The following MALRD1 variants were observed in gnomAD, a reference collection of about 807,000 sequenced individuals.
MALRD1 encodes MAM and LDL-receptor class A domain-containing protein 1.
MALRD1 carries 247 observed loss-of-function variants against 242.1 expected under a neutral mutation model. The observed-to-expected ratio is 1.02, with a 90% confidence interval of 0.92 to 1.13. The LOEUF is 1.13. Ranked by LOEUF, MALRD1 falls within the 50% of genes most tolerant of loss-of-function variation. The pLI, the probability that MALRD1 is intolerant of heterozygous loss-of-function variation, is 0.00. For synonymous variants in MALRD1, 995 were observed against 866.6 expected (o/e 1.15, Z -2.60); for missense variants, 2,989 against 2,533.1 (o/e 1.18, Z -3.86).
intron 38 of MALRD1, among the ~76,000 whole-genome samples, chr10:19,712,490 A>T (rs1386811435): frequency 6.6e-6 from 1 of 152,202 alleles, no homozygotes; most frequent in Non-Finnish European, 1.5e-5. Context: ...AGTCATAATG[A>T]AATAAGACCA....
intron 32 of MALRD1, among the ~76,000 whole-genome samples, chr10:19,560,613 C>T (rs1371107369): frequency 6.6e-6 from 1 of 152,100 alleles, no homozygotes; most frequent in Non-Finnish European, 1.5e-5. Flanking sequence ...ACATATACAC[C>T]ATAGAATACT....
At chr10:19,656,172 A>T (rs1305297024) in intron 36 of MALRD1, among the ~76,000 whole-genome samples, 1 of 152,158 alleles carries the variant, frequency 6.6e-6, no homozygotes, top group Non-Finnish European at 1.5e-5. Flanking sequence ...AGAACTTATC[A>T]AAAAGCAGAG....
chr10:19,425,981 T>C (rs1833891515), intron 28 of MALRD1, among the ~76,000 whole-genome samples: 1 of 152,110 alleles, frequency 6.6e-6, no homozygotes, highest in South Asian at 2.1e-4. Flanking sequence ...TCTTCATCTC[T>C]CTCCCAAAAC....
intron 28 of MALRD1, among the ~76,000 whole-genome samples, chr10:19,397,919 T>TTC (rs914983208): frequency 2.6e-5 from 4 of 152,042 alleles, no homozygotes; most frequent in Non-Finnish European, 4.4e-5. Flanking sequence ...GCCGAGCATT[T>TTC]TTTTTTTTCA....
chr10:19,102,505 A>G (rs990733211), intron 4 of MALRD1, among the ~76,000 whole-genome samples: 1 of 152,330 alleles, frequency 6.6e-6, no homozygotes, highest in East Asian at 1.9e-4. Context: ...CAGGGATGAA[A>G]GAATTTCCCA....
intron 14 of MALRD1, among the ~76,000 whole-genome samples, chr10:19,184,744 T>C (rs1265586565): frequency 6.6e-6 from 1 of 152,062 alleles, no homozygotes; most frequent in East Asian, 1.9e-4. Context: ...GATGGGGTTT[T>C]GCCATGTTGG....
chr10:19,176,738 A>AT, intron 14 of MALRD1, among the ~76,000 whole-genome samples: 1 of 152,182 alleles, frequency 6.6e-6, no homozygotes, highest in Admixed American at 6.5e-5. Flanking sequence ...TCCTGCATGC[A>AT]TAATAGACCA....
intron 10 of MALRD1, among the ~76,000 whole-genome samples, chr10:19,140,273 G>T (rs1257981184): frequency 6.6e-6 from 1 of 152,064 alleles, no homozygotes; most frequent in Non-Finnish European, 1.5e-5. Context: ...TTTCTTGTCT[G>T]CTCATATGCT....
chr10:19,567,781 A>T, intron 33 of MALRD1, 78 bp downstream of exon 33: 1 of 1,250,194 alleles, frequency 8.0e-7, no homozygotes, highest in Non-Finnish European at 1.1e-6. Flanking sequence ...GGAATTTCTG[A>T]GGAATTACAT....
At chr10:19,624,783 C>T (rs148899276) in intron 36 of MALRD1, among the ~76,000 whole-genome samples, 2,027 of 151,006 alleles carry the variant, frequency 0.013, 33 homozygotes, top group African/African-American at 0.047. Flanking sequence ...GGAGAATCAC[C>T]TGAACCTGGG....
At chr10:19,665,818 G>T (rs1841654187) in intron 36 of MALRD1, among the ~76,000 whole-genome samples, 1 of 151,508 alleles carries the variant, frequency 6.6e-6, no homozygotes, top group South Asian at 2.1e-4. Context: ...CTCTTTCTTT[G>T]TGTCCCTTGG....
At chr10:19,119,062 G>T (rs1246799228) in intron 5 of MALRD1, among the ~76,000 whole-genome samples, 1 of 152,132 alleles carries the variant, frequency 6.6e-6, no homozygotes, top group Non-Finnish European at 1.5e-5. Flanking sequence ...AGTAGTGGAG[G>T]TCATAAGATG....
intron 21 of MALRD1, among the ~76,000 whole-genome samples, chr10:19,306,137 G>GTA (rs906367409): frequency 3.6e-5 from 4 of 110,174 alleles, no homozygotes; most frequent in Admixed American, 3.2e-4. Context: ...ATATAGTATA[G>GTA]TATATATATA....
At chr10:19,415,605 A>T (rs1216389327) in intron 28 of MALRD1, among the ~76,000 whole-genome samples, 1 of 152,218 alleles carries the variant, frequency 6.6e-6, no homozygotes, top group African/African-American at 2.4e-5. Flanking sequence ...TTATCAGATT[A>T]TTTTAAAGTT....
chr10:19,130,470 C>A (rs904826303), intron 8 of MALRD1, among the ~76,000 whole-genome samples: 2 of 151,886 alleles, frequency 1.3e-5, no homozygotes, highest in Non-Finnish European at 2.9e-5. Flanking sequence ...TATATGTGGA[C>A]CTATGGTAAT....
chr10:19,427,468 A>G (rs923720548), intron 28 of MALRD1, among the ~76,000 whole-genome samples: 1 of 152,226 alleles, frequency 6.6e-6, no homozygotes, highest in Non-Finnish European at 1.5e-5. Context: ...TTAAAGAGAA[A>G]TATGACAATT....
At chr10:19,581,550 C>A (rs528315209) in intron 33 of MALRD1, among the ~76,000 whole-genome samples, 3 of 150,596 alleles carry the variant, frequency 2.0e-5, no homozygotes, top group Admixed American at 2.0e-4. Flanking sequence ...GACATGAACT[C>A]ATCATTTTTT....
chr10:19,701,511 G>A (rs1391876175), intron 38 of MALRD1, among the ~76,000 whole-genome samples: 4 of 152,026 alleles, frequency 2.6e-5, no homozygotes, highest in South Asian at 2.1e-4. Flanking sequence ...GGGTTGGGGC[G>A]ATGGAGGAAT....
intron 36 of MALRD1, among the ~76,000 whole-genome samples, chr10:19,642,318 T>G (rs978043844): frequency 6.6e-6 from 1 of 152,118 alleles, no homozygotes; most frequent in African/African-American, 2.4e-5. Flanking sequence ...AAAATTTTTC[T>G]TTTTTTAATG....
Sources: gnomAD v4.1 joint callset for allele counts (sites outside exome capture counted in the v4.1 genomes callset) on GRCh38, gnomAD v4.1.1 for gene constraint, MANE v1.5 for transcripts, NCBI Gene and HGNC (gene_info 2026-07-23, HGNC 2026-07-21) for gene names.